Variants in ZNF407 observed in about 807,000 individuals in gnomAD.
ZNF407 encodes the protein zinc finger protein 407.
ZNF407 carries 17 observed loss-of-function variants against 131.2 expected under a neutral mutation model. The observed-to-expected ratio is 0.13, with a 90% CI of 0.09 to 0.19. ZNF407 has a LOEUF of 0.19. Ranked by LOEUF, ZNF407 falls within the 10% of genes least tolerant of loss-of-function variation. The probability of loss-of-function intolerance (pLI) is 1.00; values close to 1 mark genes in which losing one functional copy is unlikely to be tolerated. For missense variants in ZNF407, 2,681 were observed against 2,830.6 expected (o/e 0.95, Z 1.20); for synonymous variants, 1,156 against 1,062.0 (o/e 1.09, Z -1.72).
intron 3 of ZNF407, among the ~76,000 whole-genome samples, chr18:74,696,648 A>AT (rs1372902880): frequency 6.6e-6 from 1 of 152,174 alleles, no homozygotes; most frequent in Non-Finnish European, 1.5e-5. Flanking sequence ...GTGTGTTCAC[A>AT]TACATACATA....
intron 8 of ZNF407, among the ~76,000 whole-genome samples, chr18:75,011,617 C>T (rs1972975320): frequency 6.6e-6 from 1 of 151,940 alleles, no homozygotes; most frequent in Non-Finnish European, 1.5e-5. Flanking sequence ...AATCAGAAAA[C>T]ACTTGTCAGT....
intron 3 of ZNF407, among the ~76,000 whole-genome samples, chr18:74,762,247 A>G (rs1016164498): frequency 2.6e-5 from 4 of 152,130 alleles, no homozygotes; most frequent in African/African-American, 9.7e-5. Flanking sequence ...TTGGAACTCT[A>G]TAAAATCCTA....
intron 4 of ZNF407, among the ~76,000 whole-genome samples, chr18:74,876,807 G>A (rs543353894): frequency 2.6e-5 from 4 of 152,326 alleles, no homozygotes; most frequent in East Asian, 1.9e-4. Flanking sequence ...CGTACAAGCC[G>A]CACACCAGCA....
chr18:74,943,316 A>G (rs1568278219), intron 8 of ZNF407, among the ~76,000 whole-genome samples: 1 of 152,222 alleles, frequency 6.6e-6, no homozygotes, highest in Non-Finnish European at 1.5e-5. Flanking sequence ...TTACGTTAAT[A>G]GTGATTTTAG....
intron 3 of ZNF407, among the ~76,000 whole-genome samples, chr18:74,708,288 T>G (rs1406295466): frequency 6.6e-6 from 1 of 152,246 alleles, no homozygotes; most frequent in Non-Finnish European, 1.5e-5. Flanking sequence ...AGGCTTATAA[T>G]GTATCATTAT....
chr18:74,641,719 A>T (rs1042614624), intron 3 of ZNF407, among the ~76,000 whole-genome samples: 1 of 152,196 alleles, frequency 6.6e-6, no homozygotes. Flanking sequence ...TGTTATTCAA[A>T]TGTGTTGCAT....
intron 3 of ZNF407, among the ~76,000 whole-genome samples, chr18:74,771,657 A>G (rs578091176): frequency 3.9e-5 from 6 of 152,034 alleles, no homozygotes; most frequent in Non-Finnish European, 5.9e-5. Context: ...TTTGTTTATG[A>G]TAAAACTGGT....
chr18:74,915,447 A>G (rs1971738739), intron 7 of ZNF407, among the ~76,000 whole-genome samples: 1 of 105,804 alleles, frequency 9.5e-6, no homozygotes. Flanking sequence ...TGGTATGGTG[A>G]GGTTGTGTGC....
rs1410038749 is a variant in ZNF407 at position 74,835,939 on chromosome 18, G to A, written c.4878-41258G>A. ...TAGCACCTGCTGCAGTTTAGTTACA[G>A]CTGAATGTATCGCAGGCTAGTGAAG... On this transcript the variant is annotated intron_variant, in intron 4 of 8. Transcript: ENST00000299687. Among the ~76,000 whole-genome samples the A allele has an allele frequency of 3.3e-5, 5 of 151,342 alleles. No individual in the cohort carries two copies. The East Asian group carries it at 9.8e-4, about 30-fold the overall frequency.
At chr18:74,998,651 T>C (rs977347691) in intron 8 of ZNF407, among the ~76,000 whole-genome samples, 1 of 144,608 alleles carries the variant, frequency 6.9e-6, no homozygotes, top group Non-Finnish European at 1.5e-5. Context: ...CTATGAGATA[T>C]CATCTCACAC....
intron 3 of ZNF407, among the ~76,000 whole-genome samples, chr18:74,692,845 C>T (rs985667162): frequency 2.0e-5 from 3 of 152,116 alleles, no homozygotes; most frequent in Admixed American, 6.5e-5. Context: ...TTTGCTTTTC[C>T]CTGGGGTTCG....
chr18:75,008,103 T>G lies in ZNF407; in HGVS notation c.5429-55047T>G, dbSNP rs111289444. ...GTTGAATTGGGAGTGAATTGGGAAG[T>G]TCACTGAATGCCATGCCAAGGAGTT... On this transcript the variant is annotated intron_variant, in intron 8 of 8. Coordinates refer to ENST00000299687, the MANE Select transcript of ZNF407 (RefSeq NM_017757.3). 1.4e-3 allele frequency among the ~76,000 whole-genome samples: 217 copies of G among 152,244 alleles called. 2 individuals are homozygous for G. The highest frequency in any genetic ancestry group is 5.0e-3 in the African/African-American group (206 of 41,534).
chr18:75,044,730 A>C (rs1330359667), intron 8 of ZNF407, among the ~76,000 whole-genome samples: 1 of 152,244 alleles, frequency 6.6e-6, no homozygotes, highest in Non-Finnish European at 1.5e-5. Context: ...ATTAATATGC[A>C]AGATATGACT....
chr18:75,056,972 A>G (rs1361539650), intron 8 of ZNF407, among the ~76,000 whole-genome samples: 2 of 152,236 alleles, frequency 1.3e-5, no homozygotes, highest in African/African-American at 4.8e-5. Flanking sequence ...TGTTAAAATT[A>G]CATCTTAAAA....
intron 3 of ZNF407, among the ~76,000 whole-genome samples, chr18:74,720,212 C>T (rs1967997584): frequency 6.6e-6 from 1 of 151,870 alleles, no homozygotes; most frequent in Non-Finnish European, 1.5e-5. Flanking sequence ...TGTCATTCAA[C>T]TGAGGTGAGA....
chr18:74,868,029 T>TA (rs1465668587), intron 4 of ZNF407, among the ~76,000 whole-genome samples: 38 of 152,250 alleles, frequency 2.5e-4, no homozygotes, highest in African/African-American at 8.2e-4. Context: ...GGTTTATGGA[T>TA]AAAATCCATC....
At chr18:74,934,248 T>C (rs1383300996) in intron 8 of ZNF407, among the ~76,000 whole-genome samples, 1 of 152,232 alleles carries the variant, frequency 6.6e-6, no homozygotes, top group Admixed American at 6.5e-5. Flanking sequence ...CAAGATTCTT[T>C]CAAGGGTAGT....
At chr18:75,025,956 C>G (rs1973165977) in intron 8 of ZNF407, among the ~76,000 whole-genome samples, 1 of 152,116 alleles carries the variant, frequency 6.6e-6, no homozygotes, top group South Asian at 2.1e-4. Context: ...GTAAGGTTTT[C>G]AGTTTGTTAT....
chr18:74,806,459 A>G (rs1197164944), intron 4 of ZNF407, among the ~76,000 whole-genome samples: 1 of 152,308 alleles, frequency 6.6e-6, no homozygotes, highest in East Asian at 1.9e-4. Context: ...CCTGAGTTCC[A>G]GTTGGTCCCT....
Sources: gnomAD v4.1 joint callset for allele counts (sites outside exome capture counted in the v4.1 genomes callset) on GRCh38, gnomAD v4.1.1 for gene constraint, MANE v1.5 for transcripts, NCBI Gene and HGNC (gene_info 2026-07-23, HGNC 2026-07-21) for gene names.